The following FAM149A variants were observed in gnomAD, a reference collection of about 807,000 sequenced individuals.
The protein encoded by FAM149A is protein FAM149A.
Under a neutral mutation model 78.2 loss-of-function variants are expected in FAM149A, and 71 were observed. The observed-to-expected ratio is 0.91, with a 90% CI of 0.75 to 1.11. The LOEUF (loss-of-function observed/expected upper bound fraction) is 1.11. Among genes scored for constraint, FAM149A ranks in the 50% least tolerant of loss-of-function variants. The pLI is 0.00. For missense variants in FAM149A, 1,036 were observed against 971.0 expected (o/e 1.07, Z -0.89); for synonymous variants, 446 against 410.5 (o/e 1.09, Z -1.04).
At chr4:186,160,028 A>T (rs900654254) in intron 8 of FAM149A, among the ~76,000 whole-genome samples, 1 of 142,896 alleles carries the variant, frequency 7.0e-6, no homozygotes, top group African/African-American at 2.6e-5. Context: ...ACACAAACAC[A>T]CACCCCACAC....
At position 186,172,055 on chromosome 4, in the gene FAM149A, G is replaced by A. The variant is rs553072570; in HGVS notation, c.*68G>A. 2 of 1,575,494 alleles carry A rather than the reference G, an allele frequency of 1.3e-6. No individual in the cohort carries two copies. Among genetic ancestry groups the A allele is most frequent in the African/African-American group, 1.4e-5 (1 of 72,802 alleles). On this transcript the variant is annotated 3_prime_UTR_variant, in exon 14 of 14. Transcript: ENST00000389354. ...CACTGCTTATCACTTGAAAAATGGA[G>A]GAACAAGTGTTATATTTATCTGTGT...
At chr4:186,118,148 G>A (rs1231495086) in intron 1 of FAM149A, 1 of 985,300 alleles carries the variant, frequency 1.0e-6, no homozygotes, top group Non-Finnish European at 1.2e-6. Flanking sequence ...ACGTACAGGA[G>A]TTGGTGAACA....
chr4:186,131,202 G>T (rs1400413146), intron 1 of FAM149A, among the ~76,000 whole-genome samples: 1 of 152,134 alleles, frequency 6.6e-6, no homozygotes, highest in Non-Finnish European at 1.5e-5. Flanking sequence ...ACAAAAATTA[G>T]CCAGGTGTGG....
intron 1 of FAM149A, among the ~76,000 whole-genome samples, chr4:186,111,274 C>T (rs1364818990): frequency 6.6e-6 from 1 of 151,958 alleles, no homozygotes; most frequent in Non-Finnish European, 1.5e-5. Flanking sequence ...TGTTGGAGTT[C>T]ATTGTAGATT....
At chr4:186,130,979 G>A (rs2099320537) in intron 1 of FAM149A, among the ~76,000 whole-genome samples, 1 of 152,158 alleles carries the variant, frequency 6.6e-6, no homozygotes, top group East Asian at 1.9e-4. Flanking sequence ...CTCCTAGTGT[G>A]TTGGTATTTG....
intron 7 of FAM149A, 126 bp from the exon 8 acceptor site, chr4:186,157,439 G>A: frequency 1.1e-6 from 1 of 915,660 alleles, no homozygotes. Context: ...GTGGTAACAT[G>A]TGGAGTGGCC....
intron 1 of FAM149A, among the ~76,000 whole-genome samples, chr4:186,121,248 G>A (rs2099315961): frequency 1.3e-5 from 2 of 152,176 alleles, no homozygotes. Flanking sequence ...GCCAGGGAAA[G>A]GCTGTTCCTG....
At chr4:186,148,858 G>A (rs1253329991) in intron 1 of FAM149A, among the ~76,000 whole-genome samples, 4 of 152,134 alleles carry the variant, frequency 2.6e-5, no homozygotes, top group Non-Finnish European at 5.9e-5. Flanking sequence ...ACTGTTTGGG[G>A]CAACTTTTCC....
At chr4:186,130,540 G>C (rs138209219) in intron 1 of FAM149A, among the ~76,000 whole-genome samples, 1 of 149,814 alleles carries the variant, frequency 6.7e-6, no homozygotes, top group East Asian at 2.0e-4. Flanking sequence ...TTGTATTTCT[G>C]TAGATATGGG....
intron 1 of FAM149A, chr4:186,118,217 G>A (rs1475848296): frequency 1.0e-6 from 1 of 985,446 alleles, no homozygotes; most frequent in Non-Finnish European, 1.2e-6. Context: ...AGATGGGAGT[G>A]CTCTTTACTG....
At chr4:186,145,420 C>T (rs1732961308) in intron 1 of FAM149A, among the ~76,000 whole-genome samples, 1 of 152,180 alleles carries the variant, frequency 6.6e-6, no homozygotes, top group South Asian at 2.1e-4. Flanking sequence ...AGAAAACCAG[C>T]CTGCATTTTA....
chr4:186,117,794 C>T (rs1170654260), intron 1 of FAM149A: 2 of 799,100 alleles, frequency 2.5e-6, no homozygotes, highest in Non-Finnish European at 3.0e-6. Flanking sequence ...TAGTAGGAAG[C>T]TCTAGGAATA....
At chr4:186,150,727 CTT>C (rs34234252) in intron 3 of FAM149A, among the ~76,000 whole-genome samples, 74 of 143,920 alleles carry the variant, frequency 5.1e-4, no homozygotes, top group Middle Eastern at 3.5e-3. Flanking sequence ...CCTTTTCTCT[CTT>C]TTTTTTTTTT....
At chr4:186,108,413 TAA>T (rs113979356) in intron 1 of FAM149A, among the ~76,000 whole-genome samples, 1 of 140,684 alleles carries the variant, frequency 7.1e-6, no homozygotes. Flanking sequence ...TACTTGGCTT[TAA>T]AAAAAAAAAA....
chr4:186,134,233 T>C (rs770409348), intron 1 of FAM149A, among the ~76,000 whole-genome samples: 1 of 152,198 alleles, frequency 6.6e-6, no homozygotes, highest in African/African-American at 2.4e-5. Context: ...GACAGCATCG[T>C]GCGATGCTGT....
At chr4:186,151,392 A>G (rs765963348) in intron 3 of FAM149A, among the ~76,000 whole-genome samples, 4 of 152,238 alleles carry the variant, frequency 2.6e-5, no homozygotes, top group Non-Finnish European at 4.4e-5. Flanking sequence ...TCTTAGGATA[A>G]CTAAGGATTT....
chr4:186,135,336 G>C (rs1489204822), intron 1 of FAM149A, among the ~76,000 whole-genome samples: 2 of 152,154 alleles, frequency 1.3e-5, no homozygotes, highest in Admixed American at 6.5e-5. Context: ...TTTAGTAAGA[G>C]ATTTATGAAG....
chr4:186,145,363 C>A lies in FAM149A; in HGVS notation c.567-3810C>A, dbSNP rs1339163478. Among the ~76,000 whole-genome samples, 8 of 152,268 alleles carry A rather than the reference C, an allele frequency of 5.3e-5. No homozygotes were observed. The East Asian group carries it at 9.7e-4, about 18-fold the overall frequency. ...GGTGTGAGTGTTCCGTGCTGAGGAG[C>A]GGCTTCCCATGGCCACCCTGGAGTG... On this transcript the variant is annotated intron_variant, in intron 1 of 13. Coordinates refer to ENST00000389354, the MANE Select transcript of FAM149A (RefSeq NM_001367768.3).
In FAM149A at chr4:186,156,136, A is replaced by G. The variant is rs761877863; in HGVS notation, c.1366A>G (p.Met456Val). 8 of 1,613,596 alleles carry G rather than the reference A, an allele frequency of 5.0e-6. No individual in the cohort carries two copies. In the African/African-American group the frequency reaches 6.7e-5, roughly 13 times the overall value. The change falls in exon 7 of 14, where the codon ATG becomes GTG. Residue 456 changes from methionine (M) to valine (V), a missense_variant. By Grantham distance (21) the Met-to-Val change is conservative. Around this residue, in one of 3 missense-constraint regions of FAM149A, gnomAD observed 716 missense variants for 711.8 expected, o/e 1.01. Transcript: ENST00000389354. ...AGTGTTTGATCACGTCTGGACAAAT[A>G]TGGTAGAACTTTTGGAAGAGCTGAT...
Sources: gnomAD v4.1 joint callset for allele counts (sites outside exome capture counted in the v4.1 genomes callset) on GRCh38, gnomAD v4.1.1 for gene constraint, gnomAD v4.1.1 regional missense constraint, MANE v1.5 for transcripts, NCBI Gene and HGNC (gene_info 2026-07-23, HGNC 2026-07-21) for gene names.